Variants in TSC2 observed in about 807,000 individuals in gnomAD.
TSC2 encodes TSC complex subunit 2, also known as tuberin.
Under a neutral mutation model 202.2 loss-of-function variants are expected in TSC2, and 29 were observed. The ratio of observed to expected loss-of-function variants is 0.14; its 90% CI spans 0.11 to 0.20. TSC2 has a LOEUF of 0.20. Among genes scored for constraint, TSC2 ranks in the 10% least tolerant of loss-of-function variants. TSC2 has a pLI of 1.00. For synonymous variants in TSC2, 1,349 were observed against 1,044.0 expected, an observed-to-expected ratio of 1.29 and a Z score of -5.63; for missense variants, 2,429 against 2,420.0, an observed-to-expected ratio of 1.00 and a Z score of -0.08.
In TSC2 at chr16:2,058,805, C is replaced by A. The variant is rs1060500943; in HGVS notation, c.907C>A (p.Leu303Ile). 6.3e-7 allele frequency: 1 copy of A among 1,599,726 alleles called. No homozygotes were observed. The highest frequency in any genetic ancestry group is 8.5e-7 in the Non-Finnish European group (1 of 1,172,996). The part of the protein sequence containing the change: ...RGAVFFVGMA[L>I]WGAHRLYSLR... ...AGCCGTGTTTTTTGTGGGCATGGCT[C>A]TCTGGGGAGCCCACCGGCTCTATTC... Residue 303 changes from leucine to isoleucine, a missense_variant, in exon 10 of 42, where the codon CTC (leucine) becomes ATC (isoleucine). Physicochemically the swap from Leu to Ile is conservative, Grantham distance 5. Coordinates refer to ENST00000219476, the MANE Select transcript of TSC2 (RefSeq NM_000548.5).
chr16:2,086,181 CT>C lies in TSC2; in HGVS notation c.4663-11del. The C allele has an allele frequency of 6.2e-7, 1 of 1,611,816 alleles. No individual in the cohort carries two copies. Among genetic ancestry groups the C allele is most frequent in the Non-Finnish European group, 8.5e-7 (1 of 1,179,322 alleles). ...GGAGTGATGCCACCCTGCCTCTCCCCTCTCCCCACAGAGCAACAGCGAGCTC... is the reference window on the plus strand; with the variant it reads ...GGAGTGATGCCACCCTGCCTCTCCCCCTCCCCACAGAGCAACAGCGAGCTC... On this transcript the variant is annotated splice_polypyrimidine_tract_variant and intron_variant, in intron 36 of 41. Transcript: ENST00000219476.
chr16:2,069,497 T>G (rs2087900529), intron 16 of TSC2, among the ~76,000 whole-genome samples: 1 of 150,528 alleles, frequency 6.6e-6, no homozygotes, highest in East Asian at 2.0e-4. Flanking sequence ...TTTTTTTTTT[T>G]TTGAGACAGT....
chr16:2,057,284 C>T, intron 9 of TSC2, 106 bp downstream of exon 9: 2 of 1,357,564 alleles, frequency 1.5e-6, no homozygotes, highest in Non-Finnish European at 1.0e-6. Context: ...TCCTTGTCCT[C>T]TCGGGCAGCT....
chr16:2,077,817 C>T (rs1157277607), intron 26 of TSC2, 91 bp downstream of exon 26: 4 of 1,587,802 alleles, frequency 2.5e-6, no homozygotes, highest in South Asian at 1.1e-5. Flanking sequence ...TGCATGACCT[C>T]ATCGTCTGCC....
rs140223009 is a variant in TSC2, at chr16:2,062,618, G to A, written c.1361+18G>A. Reference sequence around the variant, plus strand: ...TTCTTCAGGTAGGGGGTCCTCTGTAGCCTTGCCTGGCACCTGGAGCCTGGC... The same window carrying A: ...TTCTTCAGGTAGGGGGTCCTCTGTAACCTTGCCTGGCACCTGGAGCCTGGC... On this transcript the variant is annotated intron_variant, in intron 13 of 41. Coordinates refer to ENST00000219476, the MANE Select transcript of TSC2 (RefSeq NM_000548.5). The A allele has an allele frequency of 4.4e-6, 7 of 1,589,784 alleles. No homozygotes were observed. Among genetic ancestry groups the A allele is most frequent in the African/African-American group, 4.0e-5 (3 of 74,524 alleles).
At chr16:2,062,336 G>A (rs904625162) in intron 12 of TSC2, among the ~76,000 whole-genome samples, 161 bp from the exon 13 acceptor site, 3 of 152,268 alleles carry the variant, frequency 2.0e-5, no homozygotes, top group African/African-American at 7.2e-5. Flanking sequence ...TTGGACACAA[G>A]TCTTCCCCGC....
chr16:2,053,591 A>G (rs1181659857), intron 4 of TSC2, 139 bp downstream of exon 4: 12 of 891,022 alleles, frequency 1.3e-5, no homozygotes, highest in Non-Finnish European at 2.1e-5. Flanking sequence ...CTGGAGCTGG[A>G]TGGCCTGTGG....
At position 2,062,553 on chromosome 16, in the gene TSC2, G is replaced by A. The variant is rs201584852; in HGVS notation, c.1314G>A (p.Lys438=). The A allele has an allele frequency of 5.4e-5, 87 of 1,612,470 alleles. 1 individual carries two copies. The East Asian group carries it at 1.9e-3, about 36-fold the overall frequency. The part of the protein sequence containing the change: ...SYRAQSIHPA[K]DGWIQNLQAL... ...GAGCGCAGTCCATCCACCCGGCCAA[G>A]GACGGCTGGATTCAGAACCTGCAGG... The change falls in exon 13 of 42, where the codon AAG becomes AAA. Residue 438 remains lysine, a synonymous_variant. Coordinates refer to ENST00000219476, the MANE Select transcript of TSC2 (RefSeq NM_000548.5).
At chr16:2,048,817 T>G in intron 2 of TSC2, 64 bp downstream of exon 2, 6 of 1,610,724 alleles carry the variant, frequency 3.7e-6, no homozygotes, top group Non-Finnish European at 4.2e-6. Flanking sequence ...GGGTTTGGTC[T>G]TGCACCAGGT....
chr16:2,080,331 C>T lies in TSC2; in HGVS notation c.3564C>T (p.Pro1188=), dbSNP rs1253270588. ...QEKTNLAAYV[P]LLTQGWAEIL... ...AGACGAACCTGGCGGCCTATGTGCC[C>T]CTGCTGACCCAGGGCTGGGCGGAGA... is the stretch of plus-strand genomic sequence containing the variant. Residue 1188 remains proline, a synonymous_variant, in exon 30 of 42, where the codon CCC becomes CCT. Coordinates refer to ENST00000219476, the MANE Select transcript of TSC2 (RefSeq NM_000548.5). 1 of 1,612,662 alleles carries T rather than the reference C, an allele frequency of 6.2e-7. No homozygotes were observed. The highest frequency in any genetic ancestry group is 8.5e-7 in the Non-Finnish European group (1 of 1,180,002).
chr16:2,074,491 G>A, intron 22 of TSC2, 102 bp downstream of exon 22: 3 of 1,433,428 alleles, frequency 2.1e-6, no homozygotes, highest in East Asian at 2.4e-5. Flanking sequence ...GGGGAACCTG[G>A]GTGTCTCGCC....
intron 30 of TSC2, 192 bp from the exon 31 acceptor site, chr16:2,081,403 C>G: frequency 5.5e-6 from 4 of 728,442 alleles, no homozygotes; most frequent in South Asian, 1.6e-5. Context: ...AGCCTGGCCT[C>G]GAGGCAGGGG....
chr16:2,063,211 C>T (rs1596308096), intron 14 of TSC2, 158 bp downstream of exon 14: 3 of 871,716 alleles, frequency 3.4e-6, no homozygotes, highest in Non-Finnish European at 5.5e-6. Context: ...TACCCCTGTT[C>T]ATTCACTGGC....
intron 19 of TSC2, 115 bp downstream of exon 19, chr16:2,072,049 CAG>C: frequency 1.4e-6 from 2 of 1,474,094 alleles, no homozygotes; most frequent in Non-Finnish European, 1.8e-6. Flanking sequence ...AGCCCTCCCT[CAG>C]AGCTGAGCCT....
At chr16:2,088,173 G>C (rs776608197) in intron 40 of TSC2, 34 bp downstream of exon 40, 2 of 1,612,854 alleles carry the variant, frequency 1.2e-6, no homozygotes, top group Non-Finnish European at 1.7e-6. Context: ...TGAGCTGGTG[G>C]GACAGGCCCA....
intron 16 of TSC2, among the ~76,000 whole-genome samples, chr16:2,069,203 G>A (rs2087842272): frequency 6.6e-6 from 1 of 152,358 alleles, no homozygotes; most frequent in African/African-American, 2.4e-5. Context: ...GGCCTTCCCA[G>A]AATGGGGGGT....
At chr16:2,056,075 G>T in intron 6 of TSC2, 121 bp from the exon 7 acceptor site, 1 of 1,300,240 alleles carries the variant, frequency 7.7e-7, no homozygotes, top group East Asian at 2.4e-5. Context: ...TTGGGTGGGT[G>T]GGACCCCCAG....
At chr16:2,074,424 A>G (rs2151357718) in intron 22 of TSC2, 35 bp downstream of exon 22, 1 of 1,604,008 alleles carries the variant, frequency 6.2e-7, no homozygotes. Flanking sequence ...TGCACCCGAG[A>G]GGTTCGGGCT....
At chr16:2,054,588 C>A (rs948170275) in intron 5 of TSC2, 148 bp downstream of exon 5, 2 of 1,229,830 alleles carry the variant, frequency 1.6e-6, no homozygotes, top group Non-Finnish European at 2.3e-6. Flanking sequence ...CCTGGGCTCA[C>A]CTGCGTGGCC....
Sources: gnomAD v4.1 joint callset for allele counts (sites outside exome capture counted in the v4.1 genomes callset) on GRCh38, gnomAD v4.1.1 for gene constraint, MANE v1.5 for transcripts, NCBI Gene and HGNC (gene_info 2026-07-23, HGNC 2026-07-21) for gene names.